The following BTBD9 variants were observed in gnomAD, a reference collection of about 807,000 sequenced individuals.
BTBD9 encodes BTB/POZ domain-containing protein 9.
BTBD9 carries 49 observed loss-of-function variants against 64.3 expected under a neutral mutation model. The observed-to-expected ratio is 0.76, with a 90% confidence interval of 0.61 to 0.97. The LOEUF (loss-of-function observed/expected upper bound fraction) is 0.97. Ranked by LOEUF, BTBD9 falls within the 50% of genes least tolerant of loss-of-function variation. BTBD9 has a pLI of 0.00. For synonymous variants in BTBD9, 260 were observed against 274.7 expected, an observed-to-expected ratio of 0.95 and a Z score of 0.53; for missense variants, 598 against 762.1, an observed-to-expected ratio of 0.78 and a Z score of 2.53.
At chr6:38,460,074 GCTAATA>G (rs1169776488) in intron 6 of BTBD9, among the ~76,000 whole-genome samples, 1 of 152,164 alleles carries the variant, frequency 6.6e-6, no homozygotes, top group African/African-American at 2.4e-5. Context: ...GGAAGTCAAT[GCTAATA>G]CAATTATTTC....
chr6:38,577,320 A>T (rs1168957133), intron 6 of BTBD9, among the ~76,000 whole-genome samples: 1 of 152,244 alleles, frequency 6.6e-6, no homozygotes, highest in Non-Finnish European at 1.5e-5. Context: ...GAGTTTAAAA[A>T]GCATTCCACT....
Position 38,521,514 on chromosome 6 carries a change from A to C in BTBD9, c.1154+56086T>G, listed in dbSNP as rs191351655. ...CTTACTGGTTGAACATCCCAAATTT[A>C]AAATTCTGAAATCTCAAATGCTCCA... On this transcript the variant is annotated intron_variant, in intron 6 of 10. Coordinates refer to ENST00000481247, the MANE Select transcript of BTBD9 (RefSeq NM_001099272.2). Among the ~76,000 whole-genome samples the C allele has an allele frequency of 5.1e-4, 77 of 152,314 alleles. 1 individual carries two copies. The highest frequency in any genetic ancestry group is 2.9e-3 in the Admixed American group (44 of 15,304).
At chr6:38,396,447 T>C (rs952218776) in intron 6 of BTBD9, among the ~76,000 whole-genome samples, 2 of 152,184 alleles carry the variant, frequency 1.3e-5, no homozygotes, top group African/African-American at 4.8e-5. Context: ...TGCCAAGCGG[T>C]TGGAGGAAGT....
chr6:38,332,435 C>T (rs991910484), intron 7 of BTBD9, among the ~76,000 whole-genome samples: 2 of 152,136 alleles, frequency 1.3e-5, no homozygotes. Flanking sequence ...GAGATGTCAC[C>T]TTTATCTCAC....
intron 9 of BTBD9, among the ~76,000 whole-genome samples, chr6:38,213,055 T>A (rs1156240519): frequency 6.6e-6 from 1 of 151,664 alleles, no homozygotes; most frequent in Admixed American, 6.6e-5. Flanking sequence ...TTTGTGGAAA[T>A]TAATGTCAAA....
chr6:38,587,847 A>G, intron 4 of BTBD9: 1 of 720,142 alleles, frequency 1.4e-6, no homozygotes, highest in Non-Finnish European at 2.6e-6. Flanking sequence ...ACCCTTTTAA[A>G]AAACCAAGAT....
chr6:38,502,395 T>C (rs576955451), intron 6 of BTBD9, among the ~76,000 whole-genome samples: 54 of 152,338 alleles, frequency 3.5e-4, no homozygotes, highest in African/African-American at 1.3e-3. Flanking sequence ...AGCAAGGTGA[T>C]TTTTAAATTT....
chr6:38,245,529 T>C (rs1198090354), intron 9 of BTBD9, among the ~76,000 whole-genome samples: 2 of 151,836 alleles, frequency 1.3e-5, no homozygotes, highest in African/African-American at 2.4e-5. Flanking sequence ...AGAGGGAGTA[T>C]GGAGAGGCAG....
At chr6:38,218,849 T>G (rs779989074) in intron 9 of BTBD9, among the ~76,000 whole-genome samples, 2 of 152,242 alleles carry the variant, frequency 1.3e-5, no homozygotes, top group South Asian at 4.1e-4. Context: ...AAAAATTGAA[T>G]GACAATTTCT....
intron 1 of BTBD9, among the ~76,000 whole-genome samples, chr6:38,625,856 G>C (rs753592373): frequency 2.0e-5 from 3 of 152,160 alleles, no homozygotes; most frequent in Non-Finnish European, 4.4e-5. Context: ...TAAAACACAT[G>C]AAGGACATAG....
intron 1 of BTBD9, among the ~76,000 whole-genome samples, chr6:38,599,297 TAAA>T (rs895138411): frequency 3.3e-5 from 5 of 149,696 alleles, no homozygotes; most frequent in Non-Finnish European, 7.4e-5. Context: ...TGCAGGTACT[TAAA>T]AAAAAAAGTT....
chr6:38,216,206 T>C (rs1763003706), intron 9 of BTBD9, among the ~76,000 whole-genome samples: 1 of 152,260 alleles, frequency 6.6e-6, no homozygotes, highest in African/African-American at 2.4e-5. Flanking sequence ...ATTGGGCCTC[T>C]ACTCTGAGTG....
rs143538195 is a variant in BTBD9, at chr6:38,629,200, G to A, written c.-28+10600C>T. Among the ~76,000 whole-genome samples the A allele has an allele frequency of 2.8e-3, 432 of 152,256 alleles. 5 individuals carry two copies. The highest frequency in any genetic ancestry group is 9.3e-3 in the African/African-American group (387 of 41,544). ...GAAATCTTCATTTGGCAACAATCATGACAATAATGGATTCAGCAAATAGTC... is the reference window on the plus strand; with the variant it reads ...GAAATCTTCATTTGGCAACAATCATAACAATAATGGATTCAGCAAATAGTC... On this transcript the variant is annotated intron_variant, in intron 1 of 10. Coordinates refer to ENST00000481247, the MANE Select transcript of BTBD9 (RefSeq NM_001099272.2).
At chr6:38,481,613 C>G (rs934560682) in intron 6 of BTBD9, 2 of 152,188 alleles carry the variant, frequency 1.3e-5, no homozygotes, top group Non-Finnish European at 2.9e-5. Flanking sequence ...CCACACTACC[C>G]CCTCTCCCCT....
At chr6:38,291,519 T>C (rs1761952494) in intron 7 of BTBD9, among the ~76,000 whole-genome samples, 2 of 152,348 alleles carry the variant, frequency 1.3e-5, no homozygotes, top group South Asian at 4.1e-4. Flanking sequence ...TGGCCAGAAC[T>C]TCCAATACTA....
At chr6:38,476,074 T>C (rs144507705) in intron 6 of BTBD9, among the ~76,000 whole-genome samples, 166 of 152,304 alleles carry the variant, frequency 1.1e-3, no homozygotes, top group African/African-American at 3.8e-3. Context: ...AAAAATTAAT[T>C]TGGGGTTGCC....
At chr6:38,446,243 A>G (rs927504751) in intron 6 of BTBD9, among the ~76,000 whole-genome samples, 9 of 152,270 alleles carry the variant, frequency 5.9e-5, no homozygotes, top group East Asian at 5.8e-4. Context: ...ACAGAAAGGT[A>G]GCCCCTTTAA....
chr6:38,207,100 T>C (rs888355753), intron 9 of BTBD9, among the ~76,000 whole-genome samples: 3 of 152,226 alleles, frequency 2.0e-5, no homozygotes, highest in Non-Finnish European at 4.4e-5. Flanking sequence ...TGCAGCATCA[T>C]TTGAACAGCA....
chr6:38,469,114 A>G (rs1233885547), intron 6 of BTBD9, among the ~76,000 whole-genome samples: 1 of 152,082 alleles, frequency 6.6e-6, no homozygotes, highest in East Asian at 1.9e-4. Context: ...CTATTTAGAA[A>G]TGTGTGGATG....
Sources: allele counts gnomAD v4.1 joint callset (sites outside exome capture counted in the v4.1 genomes callset), GRCh38; gene constraint gnomAD v4.1.1; transcripts MANE v1.5; gene names NCBI Gene and HGNC (gene_info 2026-07-23, HGNC 2026-07-21).